TRDN: variants seen among roughly 807,000 people sequenced by gnomAD.
TRDN encodes triadin in skeletal muscle.
In TRDN, 161 loss-of-function variants were observed where a neutral mutation model predicts 149.7. The observed-to-expected ratio is 1.08, with a 90% CI of 0.95 to 1.23. TRDN has a LOEUF of 1.23. Among genes scored for constraint, TRDN ranks in the 50% most tolerant of loss-of-function variants. The pLI, the probability that TRDN is intolerant of heterozygous loss-of-function variation, is 0.00. For synonymous variants in TRDN, 294 were observed against 250.5 expected (o/e 1.17, Z -1.64); for missense variants, 896 against 823.5 (o/e 1.09, Z -1.08).
chr6:123,301,677 C>G (rs1778399652), intron 24 of TRDN, among the ~76,000 whole-genome samples: 1 of 146,068 alleles, frequency 6.8e-6, no homozygotes, highest in South Asian at 2.1e-4. Context: ...TTAGAACTTT[C>G]TCAATTTATT....
At chr6:123,366,982 T>A (rs1169300176) in intron 19 of TRDN, among the ~76,000 whole-genome samples, 3 of 152,170 alleles carry the variant, frequency 2.0e-5, no homozygotes, top group Non-Finnish European at 4.4e-5. Flanking sequence ...TGTAAAAGAT[T>A]AGCTGTAATA....
At chr6:123,403,138 T>C (rs1773049992) in intron 12 of TRDN, among the ~76,000 whole-genome samples, 2 of 152,178 alleles carry the variant, frequency 1.3e-5, no homozygotes, top group African/African-American at 4.8e-5. Flanking sequence ...TCAAGAAATA[T>C]ATTAGTTAAT....
At chr6:123,467,318 T>TA (rs66481683) in intron 9 of TRDN, among the ~76,000 whole-genome samples, 1,497 of 134,986 alleles carry the variant, frequency 0.011, 11 homozygotes, top group Middle Eastern at 0.024. Context: ...TGTGGTAAAT[T>TA]AAAAAAAAAA....
intron 1 of TRDN, among the ~76,000 whole-genome samples, chr6:123,578,562 G>A (rs1782967843): frequency 6.6e-6 from 1 of 152,094 alleles, no homozygotes; most frequent in Non-Finnish European, 1.5e-5. Context: ...CTGTAGCCCT[G>A]TAGTATGGTT....
At chr6:123,506,265 T>C (rs1198667317) in intron 7 of TRDN, among the ~76,000 whole-genome samples, 3 of 152,156 alleles carry the variant, frequency 2.0e-5, no homozygotes, top group Non-Finnish European at 2.9e-5. Context: ...ACTACCTGAA[T>C]AAATTTTAGC....
At chr6:123,422,974 G>A (rs528058789) in intron 12 of TRDN, among the ~76,000 whole-genome samples, 3 of 152,256 alleles carry the variant, frequency 2.0e-5, no homozygotes, top group South Asian at 4.1e-4. Context: ...GGATTACTAT[G>A]TAGCACAAAG....
At chr6:123,410,839 A>G in intron 12 of TRDN, among the ~76,000 whole-genome samples, 1 of 152,032 alleles carries the variant, frequency 6.6e-6, no homozygotes, top group East Asian at 1.9e-4. Flanking sequence ...TTAGTGTGTT[A>G]ATATATTTCT....
At chr6:123,622,217 A>G (rs1785422539) in intron 1 of TRDN, among the ~76,000 whole-genome samples, 1 of 152,014 alleles carries the variant, frequency 6.6e-6, no homozygotes, top group South Asian at 2.1e-4. Flanking sequence ...CTAAATGGAT[A>G]CTAAATATAT....
chr6:123,515,599 C>T (rs1328523824), intron 6 of TRDN, among the ~76,000 whole-genome samples: 2 of 151,332 alleles, frequency 1.3e-5, no homozygotes, highest in Admixed American at 6.6e-5. Context: ...CAATAAAGCT[C>T]TGGAAGGATG....
intron 23 of TRDN, among the ~76,000 whole-genome samples, chr6:123,318,810 T>A (rs898533078): frequency 6.6e-6 from 1 of 152,056 alleles, no homozygotes; most frequent in African/African-American, 2.4e-5. Flanking sequence ...TTATACCAAC[T>A]ATGGGTACAA....
chr6:123,252,064 C>A (rs964235332), intron 38 of TRDN, among the ~76,000 whole-genome samples: 2 of 152,052 alleles, frequency 1.3e-5, no homozygotes, highest in South Asian at 2.1e-4. Flanking sequence ...CATATGTGGT[C>A]TTTAACAAAT....
At chr6:123,543,411 GATTGAGTTTA>G (rs2114410109) in intron 4 of TRDN, among the ~76,000 whole-genome samples, 1 of 152,216 alleles carries the variant, frequency 6.6e-6, no homozygotes, top group African/African-American at 2.4e-5. Context: ...TACATTTGTT[GATTGAGTTTA>G]ATCCCAGAAG....
In TRDN at chr6:123,399,953, A is replaced by G. The variant is rs189830968; in HGVS notation, c.1052-6276T>C. ...CTAGAACAGTTAGGACTCAAACACA[A>G]ATGTGAATTCTACTTAGAATTTCAA... is the stretch of plus-strand genomic sequence containing the variant. On this transcript the variant is annotated intron_variant, in intron 12 of 40. Coordinates refer to ENST00000334268, the MANE Select transcript of TRDN (RefSeq NM_006073.4). Among the ~76,000 whole-genome samples, 199 of 152,056 alleles carry G rather than the reference A, an allele frequency of 1.3e-3. 1 individual carries two copies. The highest frequency in any genetic ancestry group is 4.4e-3 in the African/African-American group (181 of 41,500).
At chr6:123,393,501 T>A (rs972108243) in intron 13 of TRDN, 123 bp downstream of exon 13, 2 of 836,368 alleles carry the variant, frequency 2.4e-6, no homozygotes, top group Non-Finnish European at 3.6e-6. Context: ...CATTCAACAA[T>A]ATTTTTTTTG....
At chr6:123,331,714 T>C (rs978499166) in intron 23 of TRDN, among the ~76,000 whole-genome samples, 165 bp downstream of exon 23, 1 of 152,084 alleles carries the variant, frequency 6.6e-6, no homozygotes, top group Non-Finnish European at 1.5e-5. Flanking sequence ...ATAGTACAAT[T>C]TAGAATTTAA....
At chr6:123,349,401 G>T in intron 21 of TRDN, 2 of 495,154 alleles carry the variant, frequency 4.0e-6, no homozygotes, top group Non-Finnish European at 2.6e-6. Context: ...CGCCTGGCCA[G>T]TTGTGGGCGC....
intron 12 of TRDN, chr6:123,437,313 G>T: frequency 7.0e-6 from 2 of 287,324 alleles, no homozygotes; most frequent in Non-Finnish European, 1.3e-5. Context: ...CCTTTTCTTA[G>T]AGCATTTACT....
chr6:123,602,294 T>TG (rs1420974941), intron 1 of TRDN, among the ~76,000 whole-genome samples: 2 of 152,030 alleles, frequency 1.3e-5, no homozygotes, highest in Non-Finnish European at 2.9e-5. Context: ...TGGATGGAGC[T>TG]GGGGGCATTA....
At chr6:123,271,003 T>C in intron 30 of TRDN, 136 bp downstream of exon 30, 1 of 419,662 alleles carries the variant, frequency 2.4e-6, no homozygotes, top group Non-Finnish European at 4.2e-6. Context: ...ATGTTAGAAG[T>C]TATGGTACTG....
Sources: gnomAD v4.1 joint callset for allele counts (sites outside exome capture counted in the v4.1 genomes callset) on GRCh38, gnomAD v4.1.1 for gene constraint, MANE v1.5 for transcripts, NCBI Gene and HGNC (gene_info 2026-07-23, HGNC 2026-07-21) for gene names.